Variants in GMDS observed in about 807,000 individuals in gnomAD.
GMDS encodes GDP-mannose 4,6-dehydratase.
Under a neutral mutation model 49.9 loss-of-function variants are expected in GMDS, and 20 were observed. That is an observed-to-expected ratio of 0.40 (90% CI 0.28 to 0.58). The LOEUF is 0.58. Among genes scored for constraint, GMDS ranks in the 20% least tolerant of loss-of-function variants. GMDS has a pLI of 0.42. For synonymous variants in GMDS, 177 were observed against 178.6 expected (o/e 0.99, Z 0.07); for missense variants, 362 against 481.4 (o/e 0.75, Z 2.32).
chr6:1,742,860 A>G (rs556490661), intron 7 of GMDS, among the ~76,000 whole-genome samples: 39 of 152,214 alleles, frequency 2.6e-4, no homozygotes, highest in Non-Finnish European at 5.3e-4. Flanking sequence ...TTAACATCCC[A>G]GGTGATTCTC....
intron 7 of GMDS, among the ~76,000 whole-genome samples, chr6:1,775,400 C>T (rs533606537): frequency 6.6e-6 from 1 of 152,326 alleles, no homozygotes; most frequent in South Asian, 2.1e-4. Flanking sequence ...TTTCCTTTTA[C>T]TCTGTTGAAA....
At chr6:1,802,489 A>C (rs1769991070) in intron 7 of GMDS, among the ~76,000 whole-genome samples, 1 of 152,246 alleles carries the variant, frequency 6.6e-6, no homozygotes, top group South Asian at 2.1e-4. Flanking sequence ...AGCTGAAATC[A>C]TGTATCCTCA....
intron 1 of GMDS, among the ~76,000 whole-genome samples, chr6:2,217,549 C>T (rs552681479): frequency 2.0e-5 from 3 of 152,126 alleles, no homozygotes; most frequent in Non-Finnish European, 2.9e-5. Context: ...AGGAGAAACA[C>T]CTCCCAACTC....
chr6:2,141,865 GCTCTCTCTCT>G (rs67628075), intron 1 of GMDS, among the ~76,000 whole-genome samples: 47 of 145,698 alleles, frequency 3.2e-4, no homozygotes, highest in African/African-American at 1.2e-3. Context: ...GGTTGTGCGT[GCTCTCTCTCT>G]CTCTCTCTCT....
At chr6:1,716,567 G>C (rs575766603) in intron 9 of GMDS, among the ~76,000 whole-genome samples, 2 of 152,186 alleles carry the variant, frequency 1.3e-5, no homozygotes, top group Non-Finnish European at 2.9e-5. Flanking sequence ...GAGGTGAGGC[G>C]GTGAAGAGGG....
At chr6:2,031,160 G>A (rs1768938139) in intron 4 of GMDS, among the ~76,000 whole-genome samples, 1 of 152,136 alleles carries the variant, frequency 6.6e-6, no homozygotes, top group Non-Finnish European at 1.5e-5. Flanking sequence ...TTCTGGGGTG[G>A]AGCCATGGAT....
At chr6:1,637,313 G>C (rs1763188583) in intron 9 of GMDS, among the ~76,000 whole-genome samples, 1 of 152,240 alleles carries the variant, frequency 6.6e-6, no homozygotes, top group Non-Finnish European at 1.5e-5. Context: ...CTGGGCATGT[G>C]CTTCCCGGCC....
chr6:1,888,763 G>T (rs868513397), intron 7 of GMDS, among the ~76,000 whole-genome samples: 1 of 152,172 alleles, frequency 6.6e-6, no homozygotes, highest in Non-Finnish European at 1.5e-5. Context: ...AAAATCTAAA[G>T]CAAGTTAGTT....
intron 1 of GMDS, among the ~76,000 whole-genome samples, chr6:2,160,442 G>A (rs750835167): frequency 2.6e-5 from 4 of 152,084 alleles, no homozygotes; most frequent in African/African-American, 7.2e-5. Context: ...AATCAACCTA[G>A]GTCTGACACC....
At chr6:1,934,229 A>G (rs1581385279) in intron 6 of GMDS, among the ~76,000 whole-genome samples, 1 of 152,362 alleles carries the variant, frequency 6.6e-6, no homozygotes, top group Non-Finnish European at 1.5e-5. Flanking sequence ...TCATTGATGT[A>G]CTTACTCTAT....
chr6:1,706,649 C>T (rs1177456638), intron 9 of GMDS, among the ~76,000 whole-genome samples: 1 of 152,334 alleles, frequency 6.6e-6, no homozygotes, highest in East Asian at 1.9e-4. Context: ...TGGAACGAGG[C>T]TGGGAGCACG....
chr6:1,955,018 A>C (rs1369326781), intron 6 of GMDS, among the ~76,000 whole-genome samples: 1 of 152,136 alleles, frequency 6.6e-6, no homozygotes, highest in Non-Finnish European at 1.5e-5. Flanking sequence ...ATATAATAAT[A>C]ATCAGAAGTT....
chr6:1,912,569 C>T (rs1006466087), intron 7 of GMDS, among the ~76,000 whole-genome samples: 1 of 151,772 alleles, frequency 6.6e-6, no homozygotes, highest in African/African-American at 2.4e-5. Flanking sequence ...AATGTGATAC[C>T]CCACCTTCCC....
At chr6:2,065,656 G>A (rs1279524854) in intron 4 of GMDS, among the ~76,000 whole-genome samples, 14 of 152,112 alleles carry the variant, frequency 9.2e-5, no homozygotes, top group Non-Finnish European at 2.1e-4. Context: ...CGATCAACTG[G>A]AAGAAAGGGT....
At chr6:2,041,099 T>TG (rs1769647403) in intron 4 of GMDS, among the ~76,000 whole-genome samples, 2 of 152,230 alleles carry the variant, frequency 1.3e-5, no homozygotes, top group Non-Finnish European at 2.9e-5. Context: ...GAATTCTTGC[T>TG]CTGTGGTTCT....
intron 4 of GMDS, among the ~76,000 whole-genome samples, chr6:1,970,148 G>A (rs1196361786): frequency 2.0e-5 from 3 of 152,144 alleles, no homozygotes; most frequent in Admixed American, 2.0e-4. Context: ...AACTACATGT[G>A]GTAAAAGATA....
In GMDS at chr6:1,881,122, C is replaced by A. The variant is rs577420795; in HGVS notation, c.771+48981G>T. On this transcript the variant is annotated intron_variant, in intron 7 of 10. Coordinates refer to ENST00000380815, the MANE Select transcript of GMDS (RefSeq NM_001500.4). ...TTCTATCATCAGTAAAAAAGACATTCAACTATTAATTTAAAAACAGGCAGG... is the reference window on the plus strand; with the variant it reads ...TTCTATCATCAGTAAAAAAGACATTAAACTATTAATTTAAAAACAGGCAGG... Among the ~76,000 whole-genome samples, 9 of 152,188 alleles carry A rather than the reference C, an allele frequency of 5.9e-5. No homozygotes were observed. The South Asian group carries it at 1.9e-3, about 32-fold the overall frequency.
chr6:1,824,405 C>T (rs1300693739), intron 7 of GMDS, among the ~76,000 whole-genome samples: 1 of 152,180 alleles, frequency 6.6e-6, no homozygotes, highest in Non-Finnish European at 1.5e-5. Context: ...TTCAACTATA[C>T]CGCCGCGCCC....
chr6:2,105,909 C>T (rs1402324941), intron 4 of GMDS, among the ~76,000 whole-genome samples: 1 of 152,172 alleles, frequency 6.6e-6, no homozygotes, highest in Non-Finnish European at 1.5e-5. Flanking sequence ...TAATTATCAA[C>T]ACTAGAACCG....
Sources: gnomAD v4.1 joint callset for allele counts (sites outside exome capture counted in the v4.1 genomes callset) on GRCh38, gnomAD v4.1.1 for gene constraint, MANE v1.5 for transcripts, NCBI Gene and HGNC (gene_info 2026-07-23, HGNC 2026-07-21) for gene names.